RGS22: variants seen among roughly 807,000 people sequenced by gnomAD.
RGS22 encodes regulator of G-protein signaling 22.
Under a neutral mutation model 172.9 loss-of-function variants are expected in RGS22, and 148 were observed. The observed-to-expected ratio is 0.86, with a 90% CI of 0.75 to 0.98. RGS22 has a LOEUF of 0.98. Ranked by LOEUF, RGS22 falls within the 50% of genes least tolerant of loss-of-function variation. The probability of loss-of-function intolerance (pLI) is 0.00; values close to 1 mark genes in which losing one functional copy is unlikely to be tolerated. For synonymous variants in RGS22, 458 were observed against 480.2 expected, an observed-to-expected ratio of 0.95 and a Z score of 0.60; for missense variants, 1,347 against 1,440.8, an observed-to-expected ratio of 0.93 and a Z score of 1.05.
chr8:100,076,975 AG>A (rs1431565762), intron 4 of RGS22, among the ~76,000 whole-genome samples: 5 of 152,156 alleles, frequency 3.3e-5, no homozygotes, highest in African/African-American at 4.8e-5. Context: ...CCAGGGCATC[AG>A]AGCGAGACCC....
At chr8:99,997,862 C>T (rs1451541529) in intron 19 of RGS22, among the ~76,000 whole-genome samples, 2 of 152,152 alleles carry the variant, frequency 1.3e-5, no homozygotes, top group African/African-American at 4.8e-5. Flanking sequence ...AACCCATTCC[C>T]AGGAGGCAGA....
intron 20 of RGS22, among the ~76,000 whole-genome samples, chr8:99,993,484 C>T (rs959852892): frequency 6.6e-6 from 1 of 152,114 alleles, no homozygotes; most frequent in African/African-American, 2.4e-5. Context: ...ATACTATAAA[C>T]AACTCTATGC....
intron 2 of RGS22, among the ~76,000 whole-genome samples, chr8:100,101,209 A>T (rs1813446590): frequency 6.6e-6 from 1 of 152,158 alleles, no homozygotes; most frequent in African/African-American, 2.4e-5. Flanking sequence ...TTTAAGAGTC[A>T]TTCTCACTTT....
intron 15 of RGS22, among the ~76,000 whole-genome samples, chr8:100,006,821 T>C (rs182126382): frequency 2.4e-4 from 37 of 152,306 alleles, no homozygotes; most frequent in Admixed American, 2.2e-3. Flanking sequence ...CTAAGAGAGA[T>C]TTATTTTTCC....
chr8:100,005,625 C>G (rs531498763), intron 16 of RGS22, among the ~76,000 whole-genome samples: 17 of 152,136 alleles, frequency 1.1e-4, no homozygotes, highest in Admixed American at 9.8e-4. Flanking sequence ...ATCGCTGTCA[C>G]GCAACAGTTT....
chr8:100,055,484 T>C (rs1822147867), intron 9 of RGS22, among the ~76,000 whole-genome samples: 1 of 152,114 alleles, frequency 6.6e-6, no homozygotes, highest in Admixed American at 6.5e-5. Context: ...CCAAGTCCTT[T>C]CAAATATCTG....
chr8:100,033,048 G>A (rs1819013952), intron 14 of RGS22, among the ~76,000 whole-genome samples: 1 of 152,124 alleles, frequency 6.6e-6, no homozygotes, highest in Non-Finnish European at 1.5e-5. Flanking sequence ...AGCACTAAAT[G>A]CCCACAAGAG....
At chr8:100,078,815 T>C (rs985957556) in intron 4 of RGS22, among the ~76,000 whole-genome samples, 9 of 152,004 alleles carry the variant, frequency 5.9e-5, no homozygotes, top group African/African-American at 2.4e-5. Context: ...TTTGTAGAGA[T>C]AGTGTTTCGC....
intron 21 of RGS22, among the ~76,000 whole-genome samples, chr8:99,984,278 T>C (rs1192535424): frequency 6.6e-6 from 1 of 152,012 alleles, no homozygotes; most frequent in African/African-American, 2.4e-5. Flanking sequence ...CAGAGTAAGA[T>C]GGTGTCTCAA....
intron 2 of RGS22, among the ~76,000 whole-genome samples, chr8:100,099,877 C>T (rs1813325011): frequency 6.6e-6 from 1 of 152,144 alleles, no homozygotes; most frequent in African/African-American, 2.4e-5. Flanking sequence ...TAGGTCTAGC[C>T]CTATCTTCCA....
At chr8:99,981,041 G>A (rs1420122927) in intron 22 of RGS22, among the ~76,000 whole-genome samples, 4 of 151,998 alleles carry the variant, frequency 2.6e-5, no homozygotes, top group Non-Finnish European at 4.4e-5. Flanking sequence ...AAGAATAATC[G>A]CCTTTTTCCA....
intron 14 of RGS22, among the ~76,000 whole-genome samples, chr8:100,033,728 A>G (rs1469996495): frequency 3.9e-5 from 5 of 129,748 alleles, no homozygotes; most frequent in Non-Finnish European, 6.7e-5. Flanking sequence ...ATAATGGCAA[A>G]CCAAATCCAG....
chr8:100,051,437 TA>T (rs1355510537), intron 10 of RGS22, among the ~76,000 whole-genome samples: 2 of 109,152 alleles, frequency 1.8e-5, no homozygotes, highest in African/African-American at 3.9e-5. Flanking sequence ...TATATATTTA[TA>T]TATTTATTTA....
intron 14 of RGS22, among the ~76,000 whole-genome samples, chr8:100,029,041 A>G (rs1249210039): frequency 6.6e-6 from 1 of 152,220 alleles, no homozygotes; most frequent in African/African-American, 2.4e-5. Flanking sequence ...GGAGACAGCC[A>G]TATGACACAG....
chr8:100,095,842 A>C (rs3133412), intron 2 of RGS22, among the ~76,000 whole-genome samples: 24,957 of 152,208 alleles, frequency 0.16, 2,753 homozygotes, highest in African/African-American at 0.31. Context: ...TATATCTTTT[A>C]TAAAATTGTG....
At chr8:100,041,104 C>A (rs1247093242) in intron 12 of RGS22, among the ~76,000 whole-genome samples, 1 of 152,068 alleles carries the variant, frequency 6.6e-6, no homozygotes, top group Admixed American at 6.6e-5. Flanking sequence ...AAGTATAATC[C>A]TTAGGGAATA....
chr8:100,081,608 G>C (rs929969120), intron 3 of RGS22, among the ~76,000 whole-genome samples: 1 of 151,894 alleles, frequency 6.6e-6, no homozygotes, highest in Non-Finnish European at 1.5e-5. Context: ...TATTTCATTA[G>C]TTGCCCACTG....
chr8:100,036,890 C>T (rs1216069282), intron 14 of RGS22, among the ~76,000 whole-genome samples: 3 of 152,116 alleles, frequency 2.0e-5, no homozygotes, highest in East Asian at 1.9e-4. Flanking sequence ...TGAGCTAACA[C>T]GCCTGGCCCA....
chr8:100,095,762 C>T (rs1163027033), intron 2 of RGS22, among the ~76,000 whole-genome samples: 1 of 152,214 alleles, frequency 6.6e-6, no homozygotes, highest in African/African-American at 2.4e-5. Flanking sequence ...GGCATTCAGT[C>T]ATATCCTTTG....
Sources: gnomAD v4.1 joint callset for allele counts (sites outside exome capture counted in the v4.1 genomes callset) on GRCh38, gnomAD v4.1.1 for gene constraint, MANE v1.5 for transcripts, NCBI Gene and HGNC (gene_info 2026-07-23, HGNC 2026-07-21) for gene names.